The following GRIA3 variants were observed in gnomAD, a reference collection of about 807,000 sequenced individuals.
GRIA3 encodes the protein glutamate receptor 3.
A neutral mutation model predicts 63.0 loss-of-function variants in GRIA3; 3 were observed. The observed-to-expected ratio is 0.05, with a 90% confidence interval of 0.02 to 0.12. The LOEUF (loss-of-function observed/expected upper bound fraction) is 0.12. GRIA3 is among the 10% of genes least tolerant of loss of function. GRIA3 has a pLI of 1.00. For synonymous variants in GRIA3, 274 were observed against 257.9 expected, an observed-to-expected ratio of 1.06 and a Z score of -0.60; for missense variants, 347 against 700.9, an observed-to-expected ratio of 0.50 and a Z score of 5.70.
chrX:123,229,861 C>G (rs1226220662), intron 2 of GRIA3, among the ~76,000 whole-genome samples: 1 of 111,572 alleles, frequency 9.0e-6, no homozygotes, highest in Non-Finnish European at 1.9e-5. Flanking sequence ...AGAGGCCTAG[C>G]ATGGTATCTG....
At chrX:123,378,663 C>T (rs997746859) in intron 5 of GRIA3, among the ~76,000 whole-genome samples, 1 of 110,816 alleles carries the variant, frequency 9.0e-6, no homozygotes, top group African/African-American at 3.3e-5. Flanking sequence ...TGCCCACCTC[C>T]GCCTCCCAAA....
intron 5 of GRIA3, 28 bp from the exon 6 acceptor site, chrX:123,394,940 A>G: frequency 1.8e-6 from 2 of 1,114,066 alleles, no homozygotes; most frequent in Non-Finnish European, 2.5e-6. Flanking sequence ...AACTTCCCAC[A>G]ATCATGATCC....
chrX:123,440,310 C>T (rs2045666947), intron 12 of GRIA3, among the ~76,000 whole-genome samples: 1 of 112,125 alleles, frequency 8.9e-6, no homozygotes, highest in African/African-American at 3.2e-5. Flanking sequence ...GGGTATACAC[C>T]CAGTAATGGG....
intron 14 of GRIA3, among the ~76,000 whole-genome samples, chrX:123,480,616 A>G (rs749493920): frequency 8.9e-6 from 1 of 112,247 alleles, no homozygotes; most frequent in South Asian, 3.8e-4. Flanking sequence ...GGTTATTAAT[A>G]TATTATGTCA....
Position 123,414,769 on chromosome X carries a change from G to A in GRIA3, c.1501-2633G>A, listed in dbSNP as rs186696280. ...CATGAACTCATCCTTTTTTATGGATGCATAGTATTCCATGGTGTATATGTG... is the reference window on the plus strand; with the variant it reads ...CATGAACTCATCCTTTTTTATGGATACATAGTATTCCATGGTGTATATGTG... On this transcript the variant is annotated intron_variant, in intron 10 of 15. Coordinates refer to ENST00000620443, the MANE Select transcript of GRIA3 (RefSeq NM_007325.5). 3.8e-3 allele frequency among the ~76,000 whole-genome samples: 420 copies of A among 110,795 alleles called. 5 individuals are homozygous for A. Among genetic ancestry groups the A allele is most frequent in the Middle Eastern group, 0.018 (4 of 218 alleles).
chrX:123,298,763 T>C (rs1464215328), intron 3 of GRIA3, among the ~76,000 whole-genome samples: 1 of 112,018 alleles, frequency 8.9e-6, no homozygotes, highest in Non-Finnish European at 1.9e-5. Flanking sequence ...ATTTTTGCTT[T>C]TGTTGCAGTT....
rs761287465 is a variant in GRIA3 at position 123,197,498 on chromosome X, C to A, written c.268+11508C>A. On this transcript the variant is annotated intron_variant, in intron 2 of 15. Transcript: ENST00000620443. Reference sequence around the variant, plus strand: ...TGAGATCGTGTCACTGCACTCCAGACTGGGACAGAGTGAGACTCCATCTCA... The same window carrying A: ...TGAGATCGTGTCACTGCACTCCAGAATGGGACAGAGTGAGACTCCATCTCA... 6.3e-5 allele frequency among the ~76,000 whole-genome samples: 7 copies of A among 111,909 alleles called. No individual in the cohort carries two copies. The East Asian group carries it at 2.0e-3, about 31-fold the overall frequency.
At position 123,402,039 on chromosome X, in the gene GRIA3, T is replaced by C. The variant is rs964660860; in HGVS notation, c.1081-955T>C. On this transcript the variant is annotated intron_variant, in intron 7 of 15. Coordinates refer to ENST00000620443, the MANE Select transcript of GRIA3 (RefSeq NM_007325.5). ...CTGAGCCCAGGCCCAGGAAAAATTGTTCCATACATGAAATCGGCATTTGGC... is the reference window on the plus strand; with the variant it reads ...CTGAGCCCAGGCCCAGGAAAAATTGCTCCATACATGAAATCGGCATTTGGC... Among the ~76,000 whole-genome samples, 3 of 111,581 alleles carry C rather than the reference T, an allele frequency of 2.7e-5. No individual in the cohort carries two copies. The Admixed American group carries it at 2.9e-4, about 11-fold the overall frequency.
intron 2 of GRIA3, among the ~76,000 whole-genome samples, chrX:123,198,160 C>T (rs1042481169): frequency 8.9e-6 from 1 of 111,948 alleles, no homozygotes; most frequent in African/African-American, 3.3e-5. Flanking sequence ...AGAGATGCAC[C>T]TCTGGAACAT....
chrX:123,353,817 C>T (rs781604517), intron 4 of GRIA3, among the ~76,000 whole-genome samples: 1 of 111,602 alleles, frequency 9.0e-6, no homozygotes, highest in African/African-American at 3.3e-5. Flanking sequence ...TCTATGTTAT[C>T]CTGTTCCGTC....
At chrX:123,405,099 A>G (rs1188260726) in intron 10 of GRIA3, among the ~76,000 whole-genome samples, 185 bp downstream of exon 10, 1 of 112,513 alleles carries the variant, frequency 8.9e-6, no homozygotes, top group African/African-American at 3.2e-5. Context: ...CCTTTGGACA[A>G]CAGGATTATT....
intron 3 of GRIA3, among the ~76,000 whole-genome samples, chrX:123,277,091 GT>G (rs145392989): frequency 0.38 from 39,052 of 102,546 alleles, 6,837 homozygotes; most frequent in African/African-American, 0.65. Context: ...TCCTCTGCCT[GT>G]TTTTTTTTTA....
intron 10 of GRIA3, among the ~76,000 whole-genome samples, chrX:123,416,794 A>G (rs754826356): frequency 7.1e-5 from 8 of 112,907 alleles, no homozygotes; most frequent in Non-Finnish European, 1.3e-4. Context: ...CAGTTTCTTT[A>G]GTTTAGAATC....
chrX:123,452,361 C>CAA (rs202038754), intron 12 of GRIA3, among the ~76,000 whole-genome samples: 4 of 108,146 alleles, frequency 3.7e-5, no homozygotes, highest in African/African-American at 1.0e-4. Context: ...CACTCCCCCC[C>CAA]CAAAAAAAAA....
At position 123,490,886 on chromosome X, in the gene GRIA3, C is replaced by T. The variant is rs1170936594; in HGVS notation, c.*2176C>T. On this transcript the variant is annotated 3_prime_UTR_variant, in exon 16 of 16. Coordinates refer to ENST00000620443, the MANE Select transcript of GRIA3 (RefSeq NM_007325.5). ...TGAGGTATTGTACAAAGTTTTAATA[C>T]ATTTTGTAAATAAAATTGTAAAGAA... 3 of 112,654 alleles carry T rather than the reference C, an allele frequency of 2.7e-5. No homozygotes were observed. The Admixed American group carries it at 2.8e-4, about 11-fold the overall frequency. The allele number at this position is 112,654 out of a possible 1,213,427, so 9.3% of individuals were successfully genotyped here. A position where few individuals can be genotyped will look rare whatever the true frequency, so the allele number is the denominator to read the frequency against.
intron 3 of GRIA3, among the ~76,000 whole-genome samples, chrX:123,317,460 C>T (rs2044839344): frequency 8.9e-6 from 1 of 112,154 alleles, no homozygotes; most frequent in Non-Finnish European, 1.9e-5. Flanking sequence ...CAAAAGCAAG[C>T]TAGTTGCTTC....
chrX:123,324,295 T>G (rs2044886326), intron 3 of GRIA3, among the ~76,000 whole-genome samples: 1 of 112,348 alleles, frequency 8.9e-6, no homozygotes, highest in African/African-American at 3.2e-5. Context: ...TTAAATATAT[T>G]AAAGACTCTG....
At chrX:123,463,770 G>A (rs2045818857) in intron 12 of GRIA3, among the ~76,000 whole-genome samples, 2 of 93,708 alleles carry the variant, frequency 2.1e-5, no homozygotes, top group African/African-American at 9.4e-5. Context: ...AGAAAGAAGA[G>A]AAAGAAAGAA....
rs2045961341 is a variant in GRIA3 at position 123,490,069 on chromosome X, T to C, written c.*1359T>C. 1 of 112,045 alleles carries C rather than the reference T, an allele frequency of 8.9e-6. No homozygotes were observed. Among genetic ancestry groups the C allele is most frequent in the East Asian group, 2.8e-4 (1 of 3,576 alleles). The allele number at this position is 112,045 out of a possible 1,213,427, so 9.2% of individuals were successfully genotyped here. ...GCATCATCAGAACAGTCCGAAGAAA[T>C]AGTCTCCACTCACTAATTACCTCCT... On this transcript the variant is annotated 3_prime_UTR_variant, in exon 16 of 16. Coordinates refer to ENST00000620443, the MANE Select transcript of GRIA3 (RefSeq NM_007325.5).
Sources: gnomAD v4.1 joint callset for allele counts (sites outside exome capture counted in the v4.1 genomes callset) on GRCh38, gnomAD v4.1.1 for gene constraint, MANE v1.5 for transcripts, NCBI Gene and HGNC (gene_info 2026-07-23, HGNC 2026-07-21) for gene names.